The following GMDS variants were observed in gnomAD, a reference collection of about 807,000 sequenced individuals.
The protein encoded by GMDS is GDP-mannose 4,6 dehydratase.
Under a neutral mutation model 49.9 loss-of-function variants are expected in GMDS, and 20 were observed. That is an observed-to-expected ratio of 0.40 (90% CI 0.28 to 0.58). The LOEUF (loss-of-function observed/expected upper bound fraction) is 0.58. GMDS is among the 20% of genes least tolerant of loss of function. The probability of loss-of-function intolerance (pLI) is 0.42; values close to 1 mark genes in which losing one functional copy is unlikely to be tolerated. For missense variants in GMDS, 362 were observed against 481.4 expected (o/e 0.75, Z 2.32); for synonymous variants, 177 against 178.6 (o/e 0.99, Z 0.07).
Position 1,640,792 on chromosome 6 carries a change from C to A in GMDS, c.988-16252G>T, listed in dbSNP as rs886741629. Among the ~76,000 whole-genome samples the A allele has an allele frequency of 6.6e-6, 1 of 151,244 alleles. No homozygotes were observed. The highest frequency in any genetic ancestry group is 2.1e-4 in the South Asian group (1 of 4,810). On this transcript the variant is annotated intron_variant, in intron 9 of 10. Coordinates refer to ENST00000380815, the MANE Select transcript of GMDS (RefSeq NM_001500.4). This position sits in a 1 kb window ranked among gnomAD's most constrained non-coding sequence, Gnocchi z 4.0. ...AAACAATCAGGTGGTTACAAGGCCT[C>A]TGATAAAAAGAAAATTGGGTAATGG...
rs1415698493 is a variant in GMDS, at chr6:1,766,575, T to C, written c.772-23989A>G. On this transcript the variant is annotated intron_variant, in intron 7 of 10. Coordinates refer to ENST00000380815, the MANE Select transcript of GMDS (RefSeq NM_001500.4). This position sits in a 1 kb window ranked among gnomAD's most constrained non-coding sequence, Gnocchi z 4.5. Reference sequence around the variant, plus strand: ...TCTTGTGTATGGCTCGGGAGGAGGGTCTAAGGTGGGCCTCGCTACTCCAGT... The same window carrying C: ...TCTTGTGTATGGCTCGGGAGGAGGGCCTAAGGTGGGCCTCGCTACTCCAGT... Among the ~76,000 whole-genome samples, 1 of 151,782 alleles carries C rather than the reference T, an allele frequency of 6.6e-6. No homozygotes were observed.
At chr6:2,017,096 A>T (rs1279390471) in intron 4 of GMDS, among the ~76,000 whole-genome samples, 1 of 152,176 alleles carries the variant, frequency 6.6e-6, no homozygotes, top group African/African-American at 2.4e-5. Flanking sequence ...GAGAAAAATC[A>T]ATGAAGCCAA....
chr6:1,811,782 T>C (rs1770441536), intron 7 of GMDS, among the ~76,000 whole-genome samples: 1 of 152,242 alleles, frequency 6.6e-6, no homozygotes, highest in Non-Finnish European at 1.5e-5. Context: ...CCTATTTTGC[T>C]ATCTGCAATT....
At chr6:1,869,986 G>C (rs572796818) in intron 7 of GMDS, among the ~76,000 whole-genome samples, 2 of 152,312 alleles carry the variant, frequency 1.3e-5, no homozygotes, top group East Asian at 3.9e-4. Flanking sequence ...CTCAGACCAC[G>C]ACTGTCTGCT....
intron 7 of GMDS, among the ~76,000 whole-genome samples, chr6:1,810,465 T>G (rs1174725777): frequency 2.0e-5 from 3 of 151,816 alleles, no homozygotes; most frequent in Non-Finnish European, 2.9e-5. Flanking sequence ...GTATTTTTAG[T>G]AGAGACAGGG....
At chr6:1,645,127 C>A (rs902913024) in intron 9 of GMDS, among the ~76,000 whole-genome samples, 2 of 151,860 alleles carry the variant, frequency 1.3e-5, no homozygotes, top group South Asian at 4.2e-4. Flanking sequence ...GTAGAGACGG[C>A]GTTTCACCAT....
chr6:2,129,928 T>G (rs1419526850), intron 1 of GMDS, among the ~76,000 whole-genome samples: 1 of 152,212 alleles, frequency 6.6e-6, no homozygotes, highest in East Asian at 1.9e-4. Context: ...TGGGGATTAA[T>G]TAATCCAACC....
At chr6:2,202,293 G>C (rs949785278) in intron 1 of GMDS, among the ~76,000 whole-genome samples, 7 of 151,154 alleles carry the variant, frequency 4.6e-5, no homozygotes, top group African/African-American at 1.7e-4. Context: ...AGTGAGGGCA[G>C]CATGTTAGCA....
At chr6:1,981,648 G>T (rs1765225233) in intron 4 of GMDS, among the ~76,000 whole-genome samples, 1 of 151,926 alleles carries the variant, frequency 6.6e-6, no homozygotes, top group Non-Finnish European at 1.5e-5. Flanking sequence ...TGAGGATGAG[G>T]GACTCCTTCC....
At chr6:2,050,637 CT>C (rs1191928276) in intron 4 of GMDS, among the ~76,000 whole-genome samples, 1 of 152,162 alleles carries the variant, frequency 6.6e-6, no homozygotes, top group Non-Finnish European at 1.5e-5. Context: ...CAATAAAATA[CT>C]GGCAAACCGA....
intron 7 of GMDS, among the ~76,000 whole-genome samples, chr6:1,784,507 G>A (rs1393842895): frequency 1.3e-5 from 2 of 152,008 alleles, no homozygotes; most frequent in Non-Finnish European, 2.9e-5. Flanking sequence ...GGAGAGCAGA[G>A]GCCAGAGCCA....
chr6:1,884,933 C>T (rs535716260), intron 7 of GMDS, among the ~76,000 whole-genome samples: 6 of 152,290 alleles, frequency 3.9e-5, no homozygotes, highest in Admixed American at 6.5e-5. Context: ...TTTATCTATA[C>T]GCTCCCTAAC....
chr6:1,680,609 T>C (rs9503000), intron 9 of GMDS, among the ~76,000 whole-genome samples: 50,632 of 152,062 alleles, frequency 0.33, 8,876 homozygotes, highest in Middle Eastern at 0.47. Flanking sequence ...CGCAAGGTCA[T>C]ACTGCTGAGG....
chr6:1,949,660 T>C (rs1763247211), intron 6 of GMDS, among the ~76,000 whole-genome samples: 1 of 152,192 alleles, frequency 6.6e-6, no homozygotes. Flanking sequence ...TCGCCAAGTG[T>C]ACATGTCATC....
At chr6:1,788,303 T>G (rs1769399507) in intron 7 of GMDS, among the ~76,000 whole-genome samples, 1 of 152,352 alleles carries the variant, frequency 6.6e-6, no homozygotes, top group South Asian at 2.1e-4. Context: ...TTACGCGTAC[T>G]GTGTACTCCA....
intron 6 of GMDS, among the ~76,000 whole-genome samples, chr6:1,942,966 C>T (rs1762889857): frequency 6.6e-6 from 1 of 152,236 alleles, no homozygotes; most frequent in Admixed American, 6.5e-5. Context: ...TTTGCCCTGA[C>T]TCTCTTCCTG....
At chr6:1,806,184 C>T (rs139443533) in intron 7 of GMDS, among the ~76,000 whole-genome samples, 2 of 152,200 alleles carry the variant, frequency 1.3e-5, no homozygotes, top group African/African-American at 2.4e-5. Flanking sequence ...CTCTCCAAGT[C>T]CAATTTAGTC....
Position 1,742,545 on chromosome 6 carries a change from G to A in GMDS, c.813C>T (p.Phe271=), listed in dbSNP as rs149057214. 1.5e-5 allele frequency: 24 copies of A among 1,611,610 alleles called. No homozygotes were observed. The highest frequency in any genetic ancestry group is 4.0e-5 in the African/African-American group (3 of 75,010). The change falls in exon 8 of 11, where the codon TTC becomes TTT. Residue 271 remains phenylalanine (F), a synonymous_variant. Transcript: ENST00000380815. ...TATGGACCTCCCCAGTAGCTATAAC[G>A]AAGTCCTCCGGCTCATCATTCTGCA... The part of the protein sequence containing the change: ...LMLQNDEPED[F]VIATGEVHSV...
At chr6:2,032,766 T>C (rs1167487313) in intron 4 of GMDS, among the ~76,000 whole-genome samples, 1 of 152,202 alleles carries the variant, frequency 6.6e-6, no homozygotes, top group African/African-American at 2.4e-5. Context: ...ATAAAACTGC[T>C]AATTCACAGG....
Sources: gnomAD v4.1 joint callset for allele counts (sites outside exome capture counted in the v4.1 genomes callset) on GRCh38, gnomAD v4.1.1 for gene constraint, Gnocchi (gnomAD v3.1) non-coding constraint, MANE v1.5 for transcripts, NCBI Gene and HGNC (gene_info 2026-07-23, HGNC 2026-07-21) for gene names.